GTF2IRD1: variants seen among roughly 807,000 people sequenced by gnomAD.
The protein encoded by GTF2IRD1 is general transcription factor II-I repeat domain-containing protein 1.
GTF2IRD1 carries 26 observed loss-of-function variants against 113.2 expected under a neutral mutation model. The observed-to-expected ratio is 0.23, with a 90% CI of 0.17 to 0.32. GTF2IRD1 has a LOEUF of 0.32. Ranked by LOEUF, GTF2IRD1 falls within the 10% of genes least tolerant of loss-of-function variation. The pLI, the probability that GTF2IRD1 is intolerant of heterozygous loss-of-function variation, is 1.00. For missense variants in GTF2IRD1, 864 were observed against 1,280.8 expected, an observed-to-expected ratio of 0.67 and a Z score of 4.97; for synonymous variants, 484 against 529.1, an observed-to-expected ratio of 0.91 and a Z score of 1.17.
intron 22 of GTF2IRD1, chr7:74,571,074 G>C (rs1800670234): frequency 1.0e-6 from 1 of 984,756 alleles, no homozygotes; most frequent in African/African-American, 1.7e-5. Flanking sequence ...CTGCCAGCTT[G>C]AGGGGACTGT....
intron 26 of GTF2IRD1, chr7:74,601,622 ATT>A (rs1355499832): frequency 4.4e-6 from 2 of 459,468 alleles, no homozygotes; most frequent in African/African-American, 3.9e-5. Context: ...AAAATACAAA[ATT>A]AGCCGGGCAA....
chr7:74,541,738 T>C (rs1798648288), intron 14 of GTF2IRD1, among the ~76,000 whole-genome samples: 1 of 150,920 alleles, frequency 6.6e-6, no homozygotes, highest in Non-Finnish European at 1.5e-5. Context: ...CCTTCTCTAC[T>C]AAAAATACAA....
chr7:74,477,542 G>T (rs1431667629), intron 1 of GTF2IRD1, among the ~76,000 whole-genome samples: 5 of 152,086 alleles, frequency 3.3e-5, no homozygotes, highest in African/African-American at 1.2e-4. Flanking sequence ...TGGGGCCAAG[G>T]ATGGCAAGGC....
At chr7:74,484,311 T>G (rs138272659) in intron 1 of GTF2IRD1, among the ~76,000 whole-genome samples, 1 of 152,272 alleles carries the variant, frequency 6.6e-6, no homozygotes, top group Non-Finnish European at 1.5e-5. Context: ...AGACAGGGTC[T>G]CACTCTGTCA....
chr7:74,513,428 C>T (rs1337796156), intron 3 of GTF2IRD1, among the ~76,000 whole-genome samples: 3 of 152,184 alleles, frequency 2.0e-5, no homozygotes, highest in African/African-American at 7.2e-5. Context: ...GCCTCAGCTT[C>T]CCGAGCAGCT....
At position 74,584,310 on chromosome 7, in the gene GTF2IRD1, T is replaced by C. The variant is rs1474393631; in HGVS notation, c.2321-5541T>C. ...AATACAAAAAATTAGCCAGGTGTGG[T>C]GGCGGGTACCTGTAATCCCAGCTAC... On this transcript the variant is annotated intron_variant, in intron 22 of 26. Transcript: ENST00000424337. 2.0e-5 allele frequency among the ~76,000 whole-genome samples: 3 copies of C among 152,088 alleles called. No homozygotes were observed. In the East Asian group the frequency reaches 5.8e-4, roughly 29 times the overall value.
chr7:74,473,576 C>T (rs1794229514), intron 1 of GTF2IRD1, among the ~76,000 whole-genome samples: 1 of 152,122 alleles, frequency 6.6e-6, no homozygotes, highest in Non-Finnish European at 1.5e-5. Flanking sequence ...AGGCATGAGC[C>T]ACTGCGCACG....
intron 22 of GTF2IRD1, among the ~76,000 whole-genome samples, 175 bp from the exon 23 acceptor site, chr7:74,589,676 C>T (rs191601593): frequency 1.4e-3 from 208 of 150,312 alleles, no homozygotes; most frequent in Middle Eastern, 3.4e-3. Flanking sequence ...CCAGCCTGGG[C>T]AACAGAGCGA....
chr7:74,458,633 G>A (rs1793153103), intron 1 of GTF2IRD1, among the ~76,000 whole-genome samples: 2 of 149,174 alleles, frequency 1.3e-5, no homozygotes, highest in African/African-American at 5.0e-5. Flanking sequence ...TTTCAGGAAA[G>A]CCCCCTGGTC....
chr7:74,499,088 G>T (rs1554338784), intron 1 of GTF2IRD1, among the ~76,000 whole-genome samples: 3 of 152,184 alleles, frequency 2.0e-5, no homozygotes, highest in East Asian at 3.9e-4. Flanking sequence ...GGCAGGCGGA[G>T]CCTGGCACAG....
intron 22 of GTF2IRD1, among the ~76,000 whole-genome samples, chr7:74,589,255 C>A (rs1801909887): frequency 1.3e-5 from 2 of 151,724 alleles, no homozygotes; most frequent in Non-Finnish European, 2.9e-5. Flanking sequence ...ACTCAGGAGG[C>A]TGAGGTGGGA....
intron 24 of GTF2IRD1, among the ~76,000 whole-genome samples, chr7:74,592,409 C>G (rs1583978636): frequency 6.7e-6 from 1 of 149,546 alleles, no homozygotes; most frequent in Non-Finnish European, 1.5e-5. Context: ...CCAGCCCCCC[C>G]TTTTTTTTTG....
rs561437934 is a variant in GTF2IRD1 at position 74,504,705 on chromosome 7, C to CT, written c.-6-3348dup. Reference sequence around the variant, plus strand: ...GCCAATGCTGCCATCAGAATTTTTACTTTTTTTTTTTTTTTTTTTTTTAAT... The same window carrying CT: ...GCCAATGCTGCCATCAGAATTTTTACTTTTTTTTTTTTTTTTTTTTTTTAAT... On this transcript the variant is annotated intron_variant, in intron 1 of 26. Transcript: ENST00000424337. Among the ~76,000 whole-genome samples, 974 of 116,146 alleles carry CT rather than the reference C, an allele frequency of 8.4e-3. 9 individuals carry two copies. The highest frequency in any genetic ancestry group is 0.013 in the Non-Finnish European group (700 of 55,408). The allele number at this position is 116,146 out of a possible 152,430, so 76.2% of individuals were successfully genotyped here.
chr7:74,496,483 GTA>G (rs201142587), intron 1 of GTF2IRD1, among the ~76,000 whole-genome samples: 3,393 of 130,584 alleles, frequency 0.026, 102 homozygotes, highest in African/African-American at 0.073. Context: ...GGGTGTGCAC[GTA>G]TGTGTGTGTG....
At chr7:74,503,765 CTTTTA>C (rs1172103808) in intron 1 of GTF2IRD1, among the ~76,000 whole-genome samples, 3 of 152,110 alleles carry the variant, frequency 2.0e-5, no homozygotes, top group South Asian at 2.1e-4. Flanking sequence ...ATAATTTTAA[CTTTTA>C]TTTTAGATTC....
At chr7:74,461,531 T>C (rs1793361807) in intron 1 of GTF2IRD1, among the ~76,000 whole-genome samples, 1 of 152,202 alleles carries the variant, frequency 6.6e-6, no homozygotes, top group East Asian at 1.9e-4. Flanking sequence ...CATTAGGTCC[T>C]GGTCCCCAGC....
intron 23 of GTF2IRD1, among the ~76,000 whole-genome samples, chr7:74,590,438 G>A (rs1801989832): frequency 6.7e-6 from 1 of 150,344 alleles, no homozygotes; most frequent in East Asian, 2.0e-4. Flanking sequence ...GCCCAGGCTG[G>A]AGTGCAGTGG....
intron 15 of GTF2IRD1, among the ~76,000 whole-genome samples, chr7:74,545,232 C>CAG (rs1798852740): frequency 6.6e-6 from 1 of 151,982 alleles, no homozygotes; most frequent in African/African-American, 2.4e-5. Context: ...GGAAGTAGGA[C>CAG]AGAGAGAGAG....
chr7:74,588,397 C>T (rs1357851806), intron 22 of GTF2IRD1, among the ~76,000 whole-genome samples: 2 of 151,888 alleles, frequency 1.3e-5, no homozygotes, highest in South Asian at 2.1e-4. Flanking sequence ...CGTGAGCCAC[C>T]GCACCCAGCC....
Sources: allele counts gnomAD v4.1 joint callset (sites outside exome capture counted in the v4.1 genomes callset), GRCh38; gene constraint gnomAD v4.1.1; transcripts MANE v1.5; gene names NCBI Gene and HGNC (gene_info 2026-07-23, HGNC 2026-07-21).